The following CACNG3 variants were observed in gnomAD, a reference collection of about 807,000 sequenced individuals.
CACNG3 encodes the protein voltage-dependent calcium channel gamma-3 subunit.
In CACNG3, 3 loss-of-function variants were observed where a neutral mutation model predicts 28.5. That is an observed-to-expected ratio of 0.11 (90% confidence interval 0.05 to 0.27). The LOEUF (loss-of-function observed/expected upper bound fraction) is 0.27. Ranked by LOEUF, CACNG3 falls within the 10% of genes least tolerant of loss-of-function variation. CACNG3 has a pLI of 1.00. For synonymous variants in CACNG3, 174 were observed against 162.2 expected (o/e 1.07, Z -0.55); for missense variants, 236 against 414.4 (o/e 0.57, Z 3.74).
chr16:24,340,216 A>G (rs1899765500), intron 1 of CACNG3, among the ~76,000 whole-genome samples: 1 of 152,108 alleles, frequency 6.6e-6, no homozygotes, highest in African/African-American at 2.4e-5. Context: ...GATCGTGAAC[A>G]TGACGAGACC....
chr16:24,333,699 G>A (rs1410590942), intron 1 of CACNG3, among the ~76,000 whole-genome samples: 7 of 152,074 alleles, frequency 4.6e-5, no homozygotes, highest in Admixed American at 1.3e-4. Flanking sequence ...AAAATTAGCC[G>A]GGTATGGTGG....
At chr16:24,282,694 C>T (rs977712589) in intron 1 of CACNG3, among the ~76,000 whole-genome samples, 3 of 152,082 alleles carry the variant, frequency 2.0e-5, no homozygotes, top group Non-Finnish European at 4.4e-5. Flanking sequence ...AATTTATCCA[C>T]GTTGAATTTA....
At chr16:24,335,958 G>A (rs1036353231) in intron 1 of CACNG3, among the ~76,000 whole-genome samples, 1 of 151,678 alleles carries the variant, frequency 6.6e-6, no homozygotes, top group African/African-American at 2.4e-5. Flanking sequence ...CGCCTGCCTC[G>A]GCCTCCCAAA....
intron 1 of CACNG3, among the ~76,000 whole-genome samples, chr16:24,305,714 A>C (rs1201057684): frequency 6.6e-6 from 1 of 152,136 alleles, no homozygotes; most frequent in Non-Finnish European, 1.5e-5. Flanking sequence ...TACAACCTAG[A>C]TAACGGGTTG....
At chr16:24,333,746 G>A (rs1314160232) in intron 1 of CACNG3, among the ~76,000 whole-genome samples, 1 of 152,148 alleles carries the variant, frequency 6.6e-6, no homozygotes, top group Non-Finnish European at 1.5e-5. Context: ...GGAGGCTAAG[G>A]TAGGAGGATT....
intron 1 of CACNG3, among the ~76,000 whole-genome samples, chr16:24,267,597 AT>A (rs2141345928): frequency 6.6e-6 from 1 of 151,870 alleles, no homozygotes. Context: ...CTAGAAAAAA[AT>A]AATTAATAGC....
chr16:24,273,658 G>A (rs1898716978), intron 1 of CACNG3, among the ~76,000 whole-genome samples: 1 of 152,184 alleles, frequency 6.6e-6, no homozygotes, highest in South Asian at 2.1e-4. Context: ...GTCATTTTCT[G>A]AGATTACATT....
intron 1 of CACNG3, among the ~76,000 whole-genome samples, chr16:24,324,804 G>C (rs910496489): frequency 1.4e-4 from 22 of 151,946 alleles, no homozygotes; most frequent in African/African-American, 5.1e-4. Context: ...CCATGCCCCA[G>C]CTTATGCTAC....
chr16:24,275,504 A>C (rs1435547062), intron 1 of CACNG3, among the ~76,000 whole-genome samples: 1 of 152,214 alleles, frequency 6.6e-6, no homozygotes, highest in Non-Finnish European at 1.5e-5. Flanking sequence ...TAGTGGTCTC[A>C]AGCAAAGGCA....
At chr16:24,267,246 T>G (rs1374838163) in intron 1 of CACNG3, among the ~76,000 whole-genome samples, 1 of 152,078 alleles carries the variant, frequency 6.6e-6, no homozygotes, top group Non-Finnish European at 1.5e-5. Context: ...GATTACAGGT[T>G]TGAGCCACCG....
intron 2 of CACNG3, among the ~76,000 whole-genome samples, chr16:24,352,533 GTTTGT>G (rs1385154301): frequency 0.098 from 650 of 6,632 alleles, 4 homozygotes; most frequent in African/African-American, 0.15. Flanking sequence ...TGTTGTTGTT[GTTTGT>G]TTGTTTGTTT....
chr16:24,342,533 G>A (rs986383930), intron 1 of CACNG3, among the ~76,000 whole-genome samples: 1 of 151,932 alleles, frequency 6.6e-6, no homozygotes, highest in African/African-American at 2.4e-5. Context: ...TTAAACCGGG[G>A]ACCAGCAAAA....
chr16:24,348,374 T>A (rs1383696622), intron 2 of CACNG3, among the ~76,000 whole-genome samples: 1 of 152,100 alleles, frequency 6.6e-6, no homozygotes, highest in Non-Finnish European at 1.5e-5. Context: ...GCCATTGCAT[T>A]GATTGTGCCA....
At chr16:24,311,591 T>A (rs1296240661) in intron 1 of CACNG3, among the ~76,000 whole-genome samples, 1 of 149,920 alleles carries the variant, frequency 6.7e-6, no homozygotes, top group Non-Finnish European at 1.5e-5. Context: ...CGTGGTGGCT[T>A]ACACCTGTAA....
chr16:24,284,305 T>C (rs1898866732), intron 1 of CACNG3, among the ~76,000 whole-genome samples: 1 of 152,214 alleles, frequency 6.6e-6, no homozygotes, highest in Non-Finnish European at 1.5e-5. Context: ...CTAAATAGCA[T>C]GGAAATTTTC....
intron 1 of CACNG3, among the ~76,000 whole-genome samples, chr16:24,271,284 G>A (rs138386041): frequency 2.0e-5 from 3 of 152,326 alleles, no homozygotes; most frequent in East Asian, 1.9e-4. Context: ...ACTCGGTGCA[G>A]TGAAGTAGCA....
At chr16:24,299,132 T>A (rs1022005137) in intron 1 of CACNG3, among the ~76,000 whole-genome samples, 1 of 152,210 alleles carries the variant, frequency 6.6e-6, no homozygotes, top group African/African-American at 2.4e-5. Flanking sequence ...TAGGCTTCAC[T>A]TCCTTGAGGG....
At chr16:24,313,718 C>T (rs961425140) in intron 1 of CACNG3, among the ~76,000 whole-genome samples, 2 of 152,054 alleles carry the variant, frequency 1.3e-5, no homozygotes, top group Admixed American at 6.6e-5. Context: ...CCTCAGCCTC[C>T]CAAAGTGACT....
intron 1 of CACNG3, among the ~76,000 whole-genome samples, chr16:24,302,099 C>A (rs1365507592): frequency 3.9e-5 from 6 of 152,350 alleles, no homozygotes; most frequent in South Asian, 2.1e-4. Context: ...GGGCCTTGGG[C>A]AGCCTGGAAA....
Sources: gnomAD v4.1 joint callset for allele counts (sites outside exome capture counted in the v4.1 genomes callset) on GRCh38, gnomAD v4.1.1 for gene constraint, MANE v1.5 for transcripts, NCBI Gene and HGNC (gene_info 2026-07-23, HGNC 2026-07-21) for gene names.